INPP5B: variants seen among roughly 807,000 people sequenced by gnomAD.
The protein encoded by INPP5B is type II inositol 1,4,5-trisphosphate 5-phosphatase.
INPP5B carries 90 observed loss-of-function variants against 118.5 expected under a neutral mutation model. That is an observed-to-expected ratio of 0.76 (90% CI 0.64 to 0.90). The LOEUF (loss-of-function observed/expected upper bound fraction) is 0.90, where lower values mean the gene tolerates loss of function less well. Ranked by LOEUF, INPP5B falls within the 40% of genes least tolerant of loss-of-function variation. The pLI, the probability that INPP5B is intolerant of heterozygous loss-of-function variation, is 0.00. For synonymous variants in INPP5B, 385 were observed against 418.9 expected (o/e 0.92, Z 0.99); for missense variants, 984 against 1,125.6 (o/e 0.87, Z 1.80).
chr1:37,868,175 T>C (rs1022454627), intron 20 of INPP5B, among the ~76,000 whole-genome samples: 3 of 152,028 alleles, frequency 2.0e-5, no homozygotes, highest in Admixed American at 6.6e-5. Context: ...TAGCCAGGCA[T>C]GATGGCAGGT....
intron 7 of INPP5B, chr1:37,931,658 C>G: frequency 6.6e-7 from 1 of 1,521,828 alleles, no homozygotes; most frequent in Non-Finnish European, 8.8e-7. Context: ...CCCAGCTTCC[C>G]GCCGCCCGCC....
At chr1:37,883,087 A>C in intron 13 of INPP5B, 169 bp from the exon 14 acceptor site, 2 of 985,420 alleles carry the variant, frequency 2.0e-6, no homozygotes, top group Non-Finnish European at 2.4e-6. Context: ...TTAATAATCT[A>C]ATGTGATGCT....
intron 3 of INPP5B, among the ~76,000 whole-genome samples, chr1:37,944,611 T>G: frequency 6.7e-6 from 1 of 149,926 alleles, no homozygotes. Context: ...TTTTTTTTTA[T>G]AGAGACAGGG....
At chr1:37,934,433 A>G (rs1426052693) in intron 6 of INPP5B, among the ~76,000 whole-genome samples, 1 of 152,200 alleles carries the variant, frequency 6.6e-6, no homozygotes, top group Non-Finnish European at 1.5e-5. Context: ...GCTAACTGTG[A>G]TCTCTTGTTA....
intron 5 of INPP5B, among the ~76,000 whole-genome samples, chr1:37,942,670 AG>A (rs1645976164): frequency 6.6e-6 from 1 of 152,156 alleles, no homozygotes; most frequent in Admixed American, 6.5e-5. Context: ...GCACTTTGGG[AG>A]GCCAAGGCAG....
intron 7 of INPP5B, among the ~76,000 whole-genome samples, chr1:37,904,847 T>A (rs9724781): frequency 0.91 from 137,357 of 151,724 alleles, 63,221 homozygotes; most frequent in Non-Finnish European, 0.99. Flanking sequence ...ACTGCACTCC[T>A]GCCTGGGAAA....
intron 9 of INPP5B, among the ~76,000 whole-genome samples, chr1:37,888,601 A>G (rs61776665): frequency 0.096 from 14,555 of 152,256 alleles, 866 homozygotes; most frequent in Middle Eastern, 0.24. Context: ...TTAAACAGCC[A>G]TTACCCAGGC....
intron 3 of INPP5B, among the ~76,000 whole-genome samples, chr1:37,944,609 T>A (rs546726060): frequency 8.7e-5 from 13 of 149,994 alleles, no homozygotes; most frequent in Admixed American, 6.7e-4. Flanking sequence ...TTTTTTTTTT[T>A]ATAGAGACAG....
intron 17 of INPP5B, 136 bp downstream of exon 17, chr1:37,875,470 G>A (rs1194439193): frequency 1.5e-5 from 9 of 608,644 alleles, no homozygotes; most frequent in South Asian, 7.6e-5. Flanking sequence ...GGGTTTCACC[G>A]TGTTAGCCAG....
intron 7 of INPP5B, among the ~76,000 whole-genome samples, chr1:37,897,143 T>C (rs1248425700): frequency 2.0e-5 from 3 of 150,304 alleles, no homozygotes; most frequent in Admixed American, 6.6e-5. Context: ...CCAGCCGCCC[T>C]GTCCGGGAGG....
At position 37,863,213 on chromosome 1, in the gene INPP5B, T is replaced by TA. The variant is rs869054961; in HGVS notation, c.2627-784dup. On this transcript the variant is annotated intron_variant, in intron 23 of 23. Transcript: ENST00000373024. ...TGCAGTGGGGAGGGTCACTGCCCTT[T>TA]AAAAAAAAAAAAAAAAAAAAGGCAG... Among the ~76,000 whole-genome samples the TA allele has an allele frequency of 9.0e-3, 1,160 of 128,270 alleles. 16 individuals are homozygous for TA. Among genetic ancestry groups the TA allele is most frequent in the African/African-American group, 0.027 (891 of 33,414 alleles). 84.2% of individuals were successfully genotyped at this position (128,270 alleles called of 152,430 possible).
intron 7 of INPP5B, among the ~76,000 whole-genome samples, chr1:37,927,739 A>G (rs533132820): frequency 6.4e-4 from 97 of 151,812 alleles, no homozygotes; most frequent in African/African-American, 1.6e-3. Flanking sequence ...GGGTTTCACC[A>G]TGTTAGCCAG....
chr1:37,886,598 T>G (rs1643550448), intron 12 of INPP5B, among the ~76,000 whole-genome samples: 1 of 152,266 alleles, frequency 6.6e-6, no homozygotes, highest in Non-Finnish European at 1.5e-5. Flanking sequence ...TTTTTCTGAA[T>G]GACCCAGCAT....
chr1:37,896,374 A>G (rs1390969324), intron 7 of INPP5B, among the ~76,000 whole-genome samples: 1 of 151,076 alleles, frequency 6.6e-6, no homozygotes, highest in Non-Finnish European at 1.5e-5. Context: ...CCCGTCTGAG[A>G]AGTGAGGAGC....
At chr1:37,943,596 G>C (rs1167168753) in intron 5 of INPP5B, 44 bp downstream of exon 5, 8 of 1,602,380 alleles carry the variant, frequency 5.0e-6, no homozygotes, top group South Asian at 1.1e-5. Context: ...TGAAAATCAG[G>C]CACCCCTGCC....
chr1:37,945,893 T>C, intron 2 of INPP5B, 43 bp from the exon 3 acceptor site: 1 of 1,571,330 alleles, frequency 6.4e-7, no homozygotes, highest in Non-Finnish European at 8.7e-7. Context: ...AGGCGAGGCC[T>C]CTCCCCACCC....
chr1:37,899,800 G>T (rs981902826), intron 7 of INPP5B, among the ~76,000 whole-genome samples: 1 of 149,162 alleles, frequency 6.7e-6, no homozygotes, highest in East Asian at 2.0e-4. Flanking sequence ...CTGAAGCTTC[G>T]CCTGCCGGGT....
chr1:37,887,307 T>C (rs760677378), intron 11 of INPP5B, 44 bp downstream of exon 11: 1 of 1,147,184 alleles, frequency 8.7e-7, no homozygotes, highest in East Asian at 2.3e-5. Context: ...GGAATTTCCC[T>C]GCATGGCAAC....
chr1:37,936,551 G>A (rs1645700318), intron 6 of INPP5B, among the ~76,000 whole-genome samples: 1 of 151,940 alleles, frequency 6.6e-6, no homozygotes, highest in Admixed American at 6.6e-5. Flanking sequence ...AACCCGGGAG[G>A]TGGAGGTTGT....
Sources: allele counts gnomAD v4.1 joint callset (sites outside exome capture counted in the v4.1 genomes callset), GRCh38; gene constraint gnomAD v4.1.1; transcripts MANE v1.5; gene names NCBI Gene and HGNC (gene_info 2026-07-23, HGNC 2026-07-21).